MSRA: variants seen among roughly 807,000 people sequenced by gnomAD.
The protein encoded by MSRA is mitochondrial peptide methionine sulfoxide reductase.
Under a neutral mutation model 31.3 loss-of-function variants are expected in MSRA, and 54 were observed. That is an observed-to-expected ratio of 1.73 (90% confidence interval 1.39 to 2.17). The LOEUF (loss-of-function observed/expected upper bound fraction) is 2.17. MSRA is among the 30% of genes most tolerant of loss of function. The pLI is 0.00. For synonymous variants in MSRA, 169 were observed against 116.5 expected (o/e 1.45, Z -2.90); for missense variants, 507 against 300.9 (o/e 1.69, Z -5.07).
chr8:10,266,376 C>A (rs1311527213), intron 3 of MSRA, among the ~76,000 whole-genome samples: 2 of 152,176 alleles, frequency 1.3e-5, no homozygotes, highest in East Asian at 3.8e-4. Flanking sequence ...ACTTACTTGC[C>A]ATGTGTATGT....
chr8:10,110,653 A>G (rs1013234539), intron 1 of MSRA, among the ~76,000 whole-genome samples: 1 of 152,188 alleles, frequency 6.6e-6, no homozygotes, highest in African/African-American at 2.4e-5. Context: ...CCTTGGCAGG[A>G]TCTGTGTCAA....
chr8:10,306,485 G>A (rs1585420593), intron 4 of MSRA, among the ~76,000 whole-genome samples: 1 of 151,228 alleles, frequency 6.6e-6, no homozygotes, highest in African/African-American at 2.4e-5. Context: ...TAAAGTGTGG[G>A]TTTTCTACCC....
At chr8:10,134,440 G>T (rs1247891420) in intron 1 of MSRA, among the ~76,000 whole-genome samples, 1 of 152,222 alleles carries the variant, frequency 6.6e-6, no homozygotes, top group African/African-American at 2.4e-5. Flanking sequence ...CGCAATGGGG[G>T]TTTCAGTTTA....
intron 2 of MSRA, among the ~76,000 whole-genome samples, chr8:10,220,535 AATTTT>A (rs1385326573): frequency 1.3e-5 from 2 of 152,198 alleles, no homozygotes. Flanking sequence ...TAGGAAAAGA[AATTTT>A]ATTTTATTTT....
intron 3 of MSRA, among the ~76,000 whole-genome samples, chr8:10,293,096 G>A (rs561106903): frequency 3.7e-4 from 57 of 152,256 alleles, no homozygotes; most frequent in African/African-American, 1.3e-3. Flanking sequence ...ATGGACATAG[G>A]AGCATTTACC....
In MSRA at chr8:10,054,358, G is replaced by A. The variant is rs897046636; in HGVS notation, c.-159G>A. On this transcript the variant is annotated 5_prime_UTR_variant, in exon 1 of 6. Transcript: ENST00000317173. Reference sequence around the variant, plus strand: ...CCCGGGTTTGGGCAACCTCGATTACGGGCGGCCTCCAGCCCCGCCAGCAGC... The same window carrying A: ...CCCGGGTTTGGGCAACCTCGATTACAGGCGGCCTCCAGCCCCGCCAGCAGC... 3.2e-5 allele frequency: 20 copies of A among 623,196 alleles called. No homozygotes were observed. The South Asian group carries it at 8.5e-4, about 26-fold the overall frequency. 38.6% of individuals were successfully genotyped at this position (623,196 alleles called of 1,614,324 possible). A position where few individuals can be genotyped will look rare whatever the true frequency, so the allele number is the denominator to read the frequency against.
intron 4 of MSRA, among the ~76,000 whole-genome samples, chr8:10,312,985 A>C (rs934324377): frequency 1.3e-5 from 2 of 152,230 alleles, no homozygotes; most frequent in African/African-American, 2.4e-5. Flanking sequence ...ATTTCTAATC[A>C]GCATTGGAGT....
intron 1 of MSRA, among the ~76,000 whole-genome samples, chr8:10,076,782 C>T (rs1798014746): frequency 6.6e-6 from 1 of 152,038 alleles, no homozygotes. Flanking sequence ...TGTCTCCACC[C>T]AGCTCCGATA....
chr8:10,131,236 A>G (rs961019447), intron 1 of MSRA, among the ~76,000 whole-genome samples: 1 of 152,220 alleles, frequency 6.6e-6, no homozygotes, highest in Non-Finnish European at 1.5e-5. Context: ...GTTCATATCC[A>G]CAGTGCAAAG....
chr8:10,380,668 T>G (rs1197066371), intron 5 of MSRA, among the ~76,000 whole-genome samples: 1 of 152,200 alleles, frequency 6.6e-6, no homozygotes, highest in Non-Finnish European at 1.5e-5. Context: ...AGTAGTATGC[T>G]TGGCGCACAA....
chr8:10,262,640 C>T (rs1798542194), intron 3 of MSRA, among the ~76,000 whole-genome samples: 1 of 152,118 alleles, frequency 6.6e-6, no homozygotes, highest in African/African-American at 2.4e-5. Context: ...AATGTGTCCT[C>T]CCAGTCTGTG....
chr8:10,066,251 T>G (rs995361609), intron 1 of MSRA, among the ~76,000 whole-genome samples: 1 of 152,034 alleles, frequency 6.6e-6, no homozygotes, highest in Non-Finnish European at 1.5e-5. Flanking sequence ...CCTCCCAGAG[T>G]GCTGGGATTA....
intron 2 of MSRA, among the ~76,000 whole-genome samples, chr8:10,215,049 A>G (rs1809867377): frequency 6.6e-6 from 1 of 152,220 alleles, no homozygotes; most frequent in Non-Finnish European, 1.5e-5. Context: ...TCATATGTTT[A>G]GAGTATGGAA....
intron 1 of MSRA, among the ~76,000 whole-genome samples, chr8:10,126,808 C>T (rs1166727404): frequency 6.6e-6 from 1 of 152,232 alleles, no homozygotes; most frequent in South Asian, 2.1e-4. Context: ...GCCACCATGT[C>T]CAGCCTAGAT....
At chr8:10,301,458 T>C in intron 3 of MSRA, 76 bp from the exon 4 acceptor site, 1 of 1,161,646 alleles carries the variant, frequency 8.6e-7, no homozygotes, top group Non-Finnish European at 1.3e-6. Flanking sequence ...TGTCTGTTGT[T>C]TTTTTTGTGA....
At chr8:10,190,057 T>C (rs1385492165) in intron 1 of MSRA, among the ~76,000 whole-genome samples, 1 of 152,198 alleles carries the variant, frequency 6.6e-6, no homozygotes, top group Non-Finnish European at 1.5e-5. Context: ...AAATACATCT[T>C]TCTGTGTAAG....
chr8:10,080,352 C>G (rs773548220), intron 1 of MSRA, among the ~76,000 whole-genome samples: 1 of 150,758 alleles, frequency 6.6e-6, no homozygotes. Context: ...CTTACAGAGA[C>G]CAACCCTGTT....
At chr8:10,422,671 G>A (rs2981268) in intron 5 of MSRA, among the ~76,000 whole-genome samples, 1 of 152,212 alleles carries the variant, frequency 6.6e-6, no homozygotes, top group Non-Finnish European at 1.5e-5. Flanking sequence ...GCTAGGCTCA[G>A]GTCATTCCTC....
chr8:10,057,716 T>A (rs1420668101), intron 1 of MSRA, among the ~76,000 whole-genome samples: 2 of 152,166 alleles, frequency 1.3e-5, no homozygotes, highest in Non-Finnish European at 2.9e-5. Context: ...AGCTTGCCCC[T>A]TTGCGCTCTC....
Sources: allele counts gnomAD v4.1 joint callset (sites outside exome capture counted in the v4.1 genomes callset), GRCh38; gene constraint gnomAD v4.1.1; transcripts MANE v1.5; gene names NCBI Gene and HGNC (gene_info 2026-07-23, HGNC 2026-07-21).